The following ERI2 variants were observed in gnomAD, a reference collection of about 807,000 sequenced individuals.
ERI2 encodes the protein ERI1 exoribonuclease 2.
A neutral mutation model predicts 46.8 loss-of-function variants in ERI2; 35 were observed. The observed-to-expected ratio is 0.75, with a 90% CI of 0.57 to 0.99. ERI2 has a LOEUF of 0.99. Among genes scored for constraint, ERI2 ranks in the 50% least tolerant of loss-of-function variants. The pLI is 0.00. For missense variants in ERI2, 695 were observed against 796.2 expected (o/e 0.87, Z 1.53); for synonymous variants, 224 against 271.0 (o/e 0.83, Z 1.70).
In ERI2 at chr16:20,806,425, C is replaced by T. The variant is rs112979251; in HGVS notation, c.6G>A (p.Ala2=). The change falls in exon 1 of 9, where the codon GCG becomes GCA. Residue 2 remains alanine, a synonymous_variant. Coordinates refer to ENST00000357967, the MANE Select transcript of ERI2 (RefSeq NM_001142725.2). M[A]TKRLARQLGL... ...TCGAGTACCGCGCGAGCCGCTTGGTCGCCATTCCCGACACTCCTTGCTTTT... is the reference window on the plus strand; with the variant it reads ...TCGAGTACCGCGCGAGCCGCTTGGTTGCCATTCCCGACACTCCTTGCTTTT... 665 of 1,553,154 alleles carry T rather than the reference C, an allele frequency of 4.3e-4. 1 individual carries two copies. In the African/African-American group the frequency reaches 7.4e-3, roughly 17 times the overall value.
intron 1 of ERI2, among the ~76,000 whole-genome samples, chr16:20,804,862 C>T (rs970398052): frequency 6.6e-6 from 1 of 152,090 alleles, no homozygotes; most frequent in Admixed American, 6.6e-5. Flanking sequence ...TGACTGCTTA[C>T]TACATAGCAG....
chr16:20,799,129 A>G (rs2080768470), intron 8 of ERI2, 62 bp from the exon 9 acceptor site: 4 of 1,483,158 alleles, frequency 2.7e-6, no homozygotes, highest in Non-Finnish European at 1.8e-6. Context: ...TTTCTTCAGT[A>G]TACAGTTTTA....
At chr16:20,789,375 T>C (rs2080543224) in intron 10 of ERI2, 2 of 823,956 alleles carry the variant, frequency 2.4e-6, no homozygotes, top group East Asian at 4.9e-5. Context: ...CATTAATTAC[T>C]TAGCATGTAT....
At chr16:20,784,170 T>A (rs894329132) in intron 10 of ERI2, among the ~76,000 whole-genome samples, 12 of 152,226 alleles carry the variant, frequency 7.9e-5, no homozygotes, top group Admixed American at 4.6e-4. Flanking sequence ...CCTTGCTTTT[T>A]TCCTCTAACA....
intron 10 of ERI2, chr16:20,786,411 T>C (rs1466124796): frequency 1.4e-6 from 1 of 689,898 alleles, no homozygotes; most frequent in Non-Finnish European, 2.0e-6. Flanking sequence ...CTGGATGCAG[T>C]GGCTCACGCC....
intron 10 of ERI2, chr16:20,780,981 C>T: frequency 1.9e-6 from 3 of 1,614,124 alleles, no homozygotes; most frequent in Non-Finnish European, 2.5e-6. Context: ...CAGGTTCTGG[C>T]TAGATTTGAC....
At chr16:20,796,170 A>T, downstream of ERI2, 1 of 841,032 alleles carries the variant, frequency 1.2e-6, no homozygotes, top group Non-Finnish European at 1.7e-6. Flanking sequence ...CTGGGTTGTT[A>T]CAGGGGTCCC....
intron 1 of ERI2, among the ~76,000 whole-genome samples, chr16:20,805,282 GGGTGTGGT>G: frequency 6.6e-6 from 1 of 152,012 alleles, no homozygotes; most frequent in South Asian, 2.1e-4. Context: ...AAAATTAGCT[GGGTGTGGT>G]GGTGCATGCC....
chr16:20,783,926 C>G (rs1431879823), intron 10 of ERI2, among the ~76,000 whole-genome samples: 2 of 152,190 alleles, frequency 1.3e-5, no homozygotes, highest in Non-Finnish European at 2.9e-5. Context: ...CTGCCTCAGC[C>G]TCCTGAGCAT....
downstream of ERI2, chr16:20,792,156 T>C (rs1270127314): frequency 5.0e-6 from 8 of 1,614,016 alleles, no homozygotes; most frequent in East Asian, 4.5e-5. Context: ...TATGTGCATA[T>C]GTCTGTGTTA....
intron 10 of ERI2, chr16:20,783,177 A>G (rs35396346): frequency 6.6e-6 from 1 of 152,090 alleles, no homozygotes; most frequent in African/African-American, 2.4e-5. Flanking sequence ...TCTATTACCC[A>G]GGAAATTCCA....
chr16:20,801,075 A>C, intron 5 of ERI2, 128 bp downstream of exon 5: 1 of 826,844 alleles, frequency 1.2e-6, no homozygotes, highest in East Asian at 3.0e-5. Context: ...TAGGCATTTA[A>C]ATTTTTTTTC....
In ERI2 at chr16:20,797,941, T is replaced by C. The variant is rs746801987; in HGVS notation, c.1859A>G (p.Tyr620Cys). ...NNGPNHGKVF[Y>C]CCPIGKYQEN... ...TTGGTATTTCCCGATAGGGCAACAA[T>C]AGAAGACTTTTCCATGGTTCGGTCC... The change falls in exon 9 of 9, where the codon TAT becomes TGT. Residue 620 changes from tyrosine to cysteine, a missense_variant. Tyr to Cys is a radical substitution (Grantham distance 194). Coordinates refer to ENST00000357967, the MANE Select transcript of ERI2 (RefSeq NM_001142725.2). The C allele has an allele frequency of 1.2e-5, 19 of 1,551,936 alleles. No individual in the cohort carries two copies. The South Asian group carries it at 1.7e-4, about 14-fold the overall frequency.
At chr16:20,789,588 A>C in intron 9 of ERI2, 1 of 1,468,612 alleles carries the variant, frequency 6.8e-7, no homozygotes, top group Non-Finnish European at 9.5e-7. Flanking sequence ...AGTAATGAAG[A>C]TATTTATTTA....
At chr16:20,782,009 G>A (rs1367439541) in intron 10 of ERI2, among the ~76,000 whole-genome samples, 1 of 152,170 alleles carries the variant, frequency 6.6e-6, no homozygotes, top group Non-Finnish European at 1.5e-5. Context: ...GTTCAGCTAT[G>A]TTTATAGCTC....
intron 10 of ERI2, among the ~76,000 whole-genome samples, chr16:20,788,387 A>T (rs753960252): frequency 6.6e-6 from 1 of 152,138 alleles, no homozygotes; most frequent in Non-Finnish European, 1.5e-5. Context: ...ACTGCAAGGT[A>T]CCCCCACCTG....
chr16:20,786,430 C>A, intron 10 of ERI2: 1 of 571,428 alleles, frequency 1.7e-6, no homozygotes, highest in Non-Finnish European at 2.6e-6. Flanking sequence ...CCTGTAATCC[C>A]AACACTTTGG....
intron 8 of ERI2, chr16:20,791,057 G>C (rs1016531574): frequency 1.1e-6 from 1 of 902,638 alleles, no homozygotes; most frequent in East Asian, 2.6e-5. Flanking sequence ...CAGGGGATGC[G>C]GGGGTGGTGG....
In ERI2 at chr16:20,796,824, T is replaced by C; in HGVS notation, c.*900A>G. 1 of 1,602,344 alleles carries C rather than the reference T, an allele frequency of 6.2e-7. No individual in the cohort carries two copies. Among genetic ancestry groups the C allele is most frequent in the Non-Finnish European group, 8.5e-7 (1 of 1,176,644 alleles). ...TAGAATTCATAATCAAACTGCTATA[T>C]AATTGGCTTTATGTAAAGATAAAAA... On this transcript the variant is annotated 3_prime_UTR_variant, in exon 9 of 9. Transcript: ENST00000357967.
Sources: gnomAD v4.1 joint callset for allele counts (sites outside exome capture counted in the v4.1 genomes callset) on GRCh38, gnomAD v4.1.1 for gene constraint, MANE v1.5 for transcripts, NCBI Gene and HGNC (gene_info 2026-07-23, HGNC 2026-07-21) for gene names.